Variants in RFX7 observed in about 807,000 individuals in gnomAD.
RFX7 encodes DNA-binding protein RFX7.
Under a neutral mutation model 111.8 loss-of-function variants are expected in RFX7, and 26 were observed. The ratio of observed to expected loss-of-function variants is 0.23; its 90% CI spans 0.17 to 0.32. The LOEUF is 0.32. RFX7 is among the 10% of genes least tolerant of loss of function. The pLI is 1.00. For missense variants in RFX7, 1,573 were observed against 1,772.9 expected, an observed-to-expected ratio of 0.89 and a Z score of 2.02; for synonymous variants, 624 against 624.4, an observed-to-expected ratio of 1.00 and a Z score of 0.01.
intron 8 of RFX7, 51 bp from the exon 9 acceptor site, chr15:56,098,427 G>A (rs2041711599): frequency 6.7e-7 from 1 of 1,494,484 alleles, no homozygotes; most frequent in South Asian, 1.3e-5. Flanking sequence ...CTTTATAGAA[G>A]GGAGGTTCCT....
Position 56,091,790 on chromosome 15 carries a change from A to C in RFX7, c.*1555T>G, listed in dbSNP as rs1282935066. ...CTCTGCGCCAACTCTAGCACCATTT[A>C]TTTATCAAAATATGTTAATACCCTA... On this transcript the variant is annotated 3_prime_UTR_variant, in exon 10 of 10. Coordinates refer to ENST00000559447, the MANE Select transcript of RFX7 (RefSeq NM_022841.7). 6.6e-6 allele frequency: 1 copy of C among 152,552 alleles called. No homozygotes were observed. Among genetic ancestry groups the C allele is most frequent in the Admixed American group, 6.5e-5 (1 of 15,272 alleles). 9.4% of individuals were successfully genotyped at this position (152,552 alleles called of 1,614,324 possible).
At chr15:56,227,621 G>A (rs138608832) in intron 2 of RFX7, among the ~76,000 whole-genome samples, 47 of 152,152 alleles carry the variant, frequency 3.1e-4, no homozygotes, top group African/African-American at 1.0e-3. Context: ...CACGATTAGC[G>A]CAAGTACCTT....
rs375118843 is a variant in RFX7 at position 56,131,746 on chromosome 15, G to T, written c.401+11032C>A. 6.6e-5 allele frequency among the ~76,000 whole-genome samples: 10 copies of T among 152,098 alleles called. No homozygotes were observed. The East Asian group carries it at 7.7e-4, about 12-fold the overall frequency. On this transcript the variant is annotated intron_variant, in intron 5 of 9. Transcript: ENST00000559447. ...AACATCAGTGAACTTACTGTAAGAGGAAATGATGTCTATCACTGCTATATG... is the reference window on the plus strand; with the variant it reads ...AACATCAGTGAACTTACTGTAAGAGTAAATGATGTCTATCACTGCTATATG...
intron 2 of RFX7, among the ~76,000 whole-genome samples, chr15:56,213,443 G>A (rs927838137): frequency 6.6e-6 from 1 of 152,316 alleles, no homozygotes; most frequent in South Asian, 2.1e-4. Flanking sequence ...CCCAAAAGAT[G>A]ACTTATGATC....
intron 3 of RFX7, among the ~76,000 whole-genome samples, chr15:56,172,028 G>A (rs2042850902): frequency 6.6e-6 from 1 of 152,066 alleles, no homozygotes; most frequent in Non-Finnish European, 1.5e-5. Context: ...AGGAAAACCA[G>A]GATAGTGTGA....
intron 2 of RFX7, among the ~76,000 whole-genome samples, chr15:56,224,673 GA>G (rs74827367): frequency 0.13 from 19,771 of 151,818 alleles, 1,693 homozygotes; most frequent in East Asian, 0.44. Context: ...CAGTATAAGT[GA>G]AAAAAACACC....
chr15:56,221,405 T>A (rs1446783428), intron 2 of RFX7, among the ~76,000 whole-genome samples: 1 of 152,226 alleles, frequency 6.6e-6, no homozygotes, highest in African/African-American at 2.4e-5. Context: ...CCTAGTAAGC[T>A]GTATTCTTAG....
chr15:56,127,158 G>C (rs1430735584), intron 5 of RFX7, among the ~76,000 whole-genome samples: 1 of 151,978 alleles, frequency 6.6e-6, no homozygotes, highest in African/African-American at 2.4e-5. Context: ...GGTCATAATG[G>C]AAAGAAGCTA....
In RFX7 at chr15:56,239,371, C is replaced by T. The variant is rs371548134; in HGVS notation, c.161+3754G>A. ...GCAACCTCCGCCTCCTGGGTTCAAG[C>T]GATTCTCCTGCCTCAGCCTCCCGAG... On this transcript the variant is annotated intron_variant, in intron 2 of 9. Transcript: ENST00000559447. 5.3e-5 allele frequency among the ~76,000 whole-genome samples: 8 copies of T among 151,492 alleles called. 1 individual carries two copies. Among genetic ancestry groups the T allele is most frequent in the East Asian group, 2.0e-4 (1 of 5,072 alleles).
chr15:56,238,928 G>A (rs762199877), intron 2 of RFX7, among the ~76,000 whole-genome samples: 1 of 152,070 alleles, frequency 6.6e-6, no homozygotes, highest in Non-Finnish European at 1.5e-5. Context: ...CCACCTCCTG[G>A]GTTCAAGGGA....
intron 3 of RFX7, among the ~76,000 whole-genome samples, chr15:56,152,227 C>G (rs1595970252): frequency 6.6e-6 from 1 of 152,186 alleles, no homozygotes; most frequent in African/African-American, 2.4e-5. Flanking sequence ...CAGAACTCTC[C>G]ACCCCAAATC....
chr15:56,093,182 C>G lies in RFX7; in HGVS notation c.*163G>C, dbSNP rs189651383. On this transcript the variant is annotated 3_prime_UTR_variant, in exon 10 of 10. Coordinates refer to ENST00000559447, the MANE Select transcript of RFX7 (RefSeq NM_022841.7). ...ACTGTCTTTAGACACTTGTTAAGAACTGAGGCAAGTCTAACCATTTCCTAC... is the reference window on the plus strand; with the variant it reads ...ACTGTCTTTAGACACTTGTTAAGAAGTGAGGCAAGTCTAACCATTTCCTAC... The G allele has an allele frequency of 1.0e-3, 628 of 612,638 alleles. 2 individuals are homozygous for G. Among genetic ancestry groups the G allele is most frequent in the South Asian group, 6.1e-3 (246 of 40,134 alleles). The allele number at this position is 612,638 out of a possible 1,614,324, so 38.0% of individuals were successfully genotyped here.
intron 2 of RFX7, 60 bp downstream of exon 2, chr15:56,243,065 C>CCCCAAATGAGCA: frequency 8.7e-7 from 1 of 1,152,186 alleles, no homozygotes; most frequent in Non-Finnish European, 1.2e-6. Flanking sequence ...CGCCCCCCAC[C>CCCCAAATGAGCA]CACTTTGCAG....
At chr15:56,171,329 T>A (rs2042842743) in intron 3 of RFX7, among the ~76,000 whole-genome samples, 1 of 152,158 alleles carries the variant, frequency 6.6e-6, no homozygotes, top group Non-Finnish European at 1.5e-5. Context: ...TTGCATGGCA[T>A]GGGACCAAAT....
intron 3 of RFX7, among the ~76,000 whole-genome samples, chr15:56,170,896 G>A (rs575018045): frequency 1.1e-3 from 171 of 152,270 alleles, no homozygotes; most frequent in African/African-American, 4.0e-3. Context: ...GGAGAAAGAT[G>A]AGGTTGGACA....
At chr15:56,132,983 T>C (rs2042238977) in intron 5 of RFX7, among the ~76,000 whole-genome samples, 1 of 152,082 alleles carries the variant, frequency 6.6e-6, no homozygotes, top group Non-Finnish European at 1.5e-5. Context: ...CAAAAATGTA[T>C]ACATTAAAGA....
intron 5 of RFX7, 66 bp downstream of exon 5, chr15:56,142,712 C>T: frequency 1.4e-6 from 2 of 1,423,812 alleles, no homozygotes; most frequent in Middle Eastern, 2.0e-4. Flanking sequence ...AAACAAATCA[C>T]TATGGCCAAG....
intron 5 of RFX7, among the ~76,000 whole-genome samples, chr15:56,137,522 T>A (rs1217775228): frequency 6.6e-6 from 1 of 152,220 alleles, no homozygotes; most frequent in African/African-American, 2.4e-5. Context: ...CTTATTAGTC[T>A]TGCTAGCGGT....
chr15:56,239,090 T>G (rs1475766950), intron 2 of RFX7, among the ~76,000 whole-genome samples: 4 of 152,058 alleles, frequency 2.6e-5, no homozygotes, highest in African/African-American at 9.7e-5. Flanking sequence ...CACCTTGACC[T>G]CCCAAAGTGT....
Sources: gnomAD v4.1 joint callset for allele counts (sites outside exome capture counted in the v4.1 genomes callset) on GRCh38, gnomAD v4.1.1 for gene constraint, MANE v1.5 for transcripts, NCBI Gene and HGNC (gene_info 2026-07-23, HGNC 2026-07-21) for gene names.